HMCN1: variants seen among roughly 807,000 people sequenced by gnomAD.
HMCN1 encodes hemicentin-1.
Under a neutral mutation model 625.9 loss-of-function variants are expected in HMCN1, and 321 were observed. That is an observed-to-expected ratio of 0.51 (90% CI 0.47 to 0.56). The LOEUF (loss-of-function observed/expected upper bound fraction) is 0.56, where lower values mean the gene tolerates loss of function less well. Among genes scored for constraint, HMCN1 ranks in the 20% least tolerant of loss-of-function variants. HMCN1 has a pLI of 0.00. For synonymous variants in HMCN1, 2,425 were observed against 2,417.6 expected (o/e 1.00, Z -0.09); for missense variants, 6,588 against 6,887.3 (o/e 0.96, Z 1.54).
chr1:185,758,141 A>G (rs1298244423), intron 1 of HMCN1, among the ~76,000 whole-genome samples: 2 of 152,094 alleles, frequency 1.3e-5, no homozygotes, highest in East Asian at 1.9e-4. Context: ...GGATATATAC[A>G]TTTTTCAGGA....
At chr1:185,810,547 A>G (rs1188506939) in intron 1 of HMCN1, among the ~76,000 whole-genome samples, 1 of 152,174 alleles carries the variant, frequency 6.6e-6, no homozygotes, top group Non-Finnish European at 1.5e-5. Context: ...ATTAAGATGA[A>G]TCCAAACTGC....
At chr1:185,924,960 A>C in intron 8 of HMCN1, 87 bp from the exon 9 acceptor site, 1 of 1,152,262 alleles carries the variant, frequency 8.7e-7, no homozygotes, top group Non-Finnish European at 1.3e-6. Flanking sequence ...AAGTATAAAG[A>C]TTTTGAATGG....
chr1:185,894,878 C>T (rs78134522), intron 4 of HMCN1, among the ~76,000 whole-genome samples: 1,935 of 151,322 alleles, frequency 0.013, 24 homozygotes, highest in Middle Eastern at 0.028. Context: ...TGTTTTTTTT[C>T]CTGACACGGT....
At chr1:185,873,058 A>G (rs1663719372) in intron 4 of HMCN1, among the ~76,000 whole-genome samples, 1 of 152,200 alleles carries the variant, frequency 6.6e-6, no homozygotes, top group African/African-American at 2.4e-5. Context: ...AATGTTACTT[A>G]AGGGTAAACA....
intron 6 of HMCN1, among the ~76,000 whole-genome samples, chr1:185,913,826 C>A (rs1461583680): frequency 6.6e-6 from 1 of 152,090 alleles, no homozygotes; most frequent in African/African-American, 2.4e-5. Flanking sequence ...ATGTTCTGTG[C>A]TACTTACTTA....
intron 82 of HMCN1, 132 bp from the exon 83 acceptor site, chr1:186,127,946 G>A (rs1661728598): frequency 1.3e-6 from 1 of 786,462 alleles, no homozygotes; most frequent in Non-Finnish European, 2.2e-6. Context: ...TGATGGTTAA[G>A]ACTAAAAGAT....
At chr1:185,764,407 A>T (rs1194719837) in intron 1 of HMCN1, among the ~76,000 whole-genome samples, 1 of 152,194 alleles carries the variant, frequency 6.6e-6, no homozygotes, top group African/African-American at 2.4e-5. Context: ...ACTACACTTT[A>T]TATAGAATTC....
chr1:186,164,699 T>A (rs568781388), intron 97 of HMCN1, among the ~76,000 whole-genome samples: 2 of 152,366 alleles, frequency 1.3e-5, no homozygotes, highest in Non-Finnish European at 2.9e-5. Context: ...ACAGAGTTTC[T>A]ATTTTTCACG....
chr1:185,956,118 A>G (rs547253987), intron 11 of HMCN1, among the ~76,000 whole-genome samples: 2 of 152,134 alleles, frequency 1.3e-5, no homozygotes, highest in South Asian at 2.1e-4. Context: ...CTTATTGTCT[A>G]TTAGAGATAC....
At chr1:186,028,470 C>CT (rs1655203785) in intron 36 of HMCN1, among the ~76,000 whole-genome samples, 1 of 152,112 alleles carries the variant, frequency 6.6e-6, no homozygotes, top group South Asian at 2.1e-4. Flanking sequence ...AGAAATCAGG[C>CT]TTTTAAAACA....
At chr1:186,136,264 T>A (rs151012235) in intron 86 of HMCN1, among the ~76,000 whole-genome samples, 569 of 151,972 alleles carry the variant, frequency 3.7e-3, no homozygotes, top group African/African-American at 0.013. Flanking sequence ...CAGACAAAAA[T>A]AATAGTAACT....
intron 104 of HMCN1, among the ~76,000 whole-genome samples, chr1:186,180,590 T>C (rs1383016278): frequency 1.3e-5 from 2 of 152,226 alleles, no homozygotes; most frequent in Admixed American, 6.5e-5. Flanking sequence ...AGTTTCATCA[T>C]AGTAGAGTCT....
At chr1:186,135,854 T>C (rs777365953) in intron 86 of HMCN1, among the ~76,000 whole-genome samples, 6 of 152,340 alleles carry the variant, frequency 3.9e-5, no homozygotes, top group Admixed American at 6.5e-5. Flanking sequence ...GTTAGTTCCA[T>C]AGGTATGCTA....
intron 1 of HMCN1, among the ~76,000 whole-genome samples, chr1:185,752,847 C>A (rs1571305036): frequency 6.6e-6 from 1 of 151,878 alleles, no homozygotes; most frequent in African/African-American, 2.4e-5. Context: ...CTAGCATAAC[C>A]CTGGTACCAA....
At chr1:185,858,370 T>G (rs1346940224) in intron 2 of HMCN1, among the ~76,000 whole-genome samples, 1 of 152,022 alleles carries the variant, frequency 6.6e-6, no homozygotes, top group Non-Finnish European at 1.5e-5. Context: ...ATTTCTTCTA[T>G]TTGGTATTCA....
chr1:186,012,282 A>C (rs992559869), intron 30 of HMCN1, among the ~76,000 whole-genome samples: 8 of 152,054 alleles, frequency 5.3e-5, no homozygotes, highest in African/African-American at 1.7e-4. Flanking sequence ...ACAAATCTTA[A>C]AAGATTCTGC....
Position 185,909,210 on chromosome 1 carries a change from G to A in HMCN1, c.622-127G>A, listed in dbSNP as rs114895157. 2,553 of 712,538 alleles carry A rather than the reference G, an allele frequency of 3.6e-3. 50 individuals are homozygous for A. The African/African-American group carries it at 0.041, about 11-fold the overall frequency. 44.1% of individuals were successfully genotyped at this position (712,538 alleles called of 1,614,324 possible). On this transcript the variant is annotated intron_variant, in intron 4 of 106. Transcript: ENST00000271588. ...AAGAGTCCTATCTTCAGTAATGACC[G>A]AAATAAATTTCACACCAGTCCAGGA... is the stretch of plus-strand genomic sequence containing the variant.
At chr1:185,765,550 C>T (rs1655819988) in intron 1 of HMCN1, among the ~76,000 whole-genome samples, 1 of 152,108 alleles carries the variant, frequency 6.6e-6, no homozygotes, top group Non-Finnish European at 1.5e-5. Context: ...TAAGTACCAC[C>T]AGTATCCCTG....
At chr1:185,735,732 G>T (rs904151424) in intron 1 of HMCN1, among the ~76,000 whole-genome samples, 1 of 152,096 alleles carries the variant, frequency 6.6e-6, no homozygotes, top group African/African-American at 2.4e-5. Context: ...CTTCATTTTT[G>T]CCCTAAAGCC....
Sources: gnomAD v4.1 joint callset for allele counts (sites outside exome capture counted in the v4.1 genomes callset) on GRCh38, gnomAD v4.1.1 for gene constraint, MANE v1.5 for transcripts, NCBI Gene and HGNC (gene_info 2026-07-23, HGNC 2026-07-21) for gene names.